The following TNFAIP2 variants were observed in gnomAD, a reference collection of about 807,000 sequenced individuals.
The protein encoded by TNFAIP2 is TNF alpha induced protein 2, also known as tumor necrosis factor alpha-induced protein 2.
Under a neutral mutation model 63.5 loss-of-function variants are expected in TNFAIP2, and 47 were observed. The observed-to-expected ratio is 0.74, with a 90% CI of 0.59 to 0.94. The LOEUF (loss-of-function observed/expected upper bound fraction) is 0.94. Ranked by LOEUF, TNFAIP2 falls within the 40% of genes least tolerant of loss-of-function variation. The probability of loss-of-function intolerance (pLI) is 0.00; values close to 1 mark genes in which losing one functional copy is unlikely to be tolerated. For missense variants in TNFAIP2, 787 were observed against 850.2 expected (o/e 0.93, Z 0.92); for synonymous variants, 405 against 390.2 (o/e 1.04, Z -0.45).
chr14:103,124,559 CT>C (rs1022067096), intron 1 of TNFAIP2: 8 of 152,656 alleles, frequency 5.2e-5, no homozygotes, highest in Non-Finnish European at 1.2e-4. Flanking sequence ...TGAGGTGAGG[CT>C]GGCAGGGAGC....
Position 103,127,197 on chromosome 14 carries a change from CG to C in TNFAIP2, c.429del (p.Leu144TrpfsTer81). 8.9e-7 allele frequency: 1 copy of C among 1,120,836 alleles called. No homozygotes were observed. The highest frequency in any genetic ancestry group is 1.1e-6 in the Non-Finnish European group (1 of 912,766). 69.4% of individuals were successfully genotyped at this position (1,120,836 alleles called of 1,614,324 possible). A position where few individuals can be genotyped will look rare whatever the true frequency, so the allele number is the denominator to read the frequency against. ...RDQVLGVLRR[P>X]LEAPPERLRQ... Reference sequence around the variant, plus strand: ...CAGGTGCTGGGCGTGCTGCGGCGGCCGCTGGAGGCGCCGCCCGAGCGGCTGC... The same window carrying C: ...CAGGTGCTGGGCGTGCTGCGGCGGCCCTGGAGGCGCCGCCCGAGCGGCTGC... On this transcript the variant is annotated frameshift_variant, in exon 3 of 12. Coordinates refer to ENST00000560869, the MANE Select transcript of TNFAIP2 (RefSeq NM_006291.4). LOFTEE classifies it high-confidence loss of function. The surrounding 1 kb of genome is among the most constrained non-coding windows in gnomAD (Gnocchi z 5.1).
Position 103,131,115 on chromosome 14 carries a change from T to C in TNFAIP2, c.1263T>C (p.Asn421=), listed in dbSNP as rs1348282973. Residue 421 remains asparagine (N), a synonymous_variant, in exon 7 of 12, where the codon AAT becomes AAC. Transcript: ENST00000560869. The surrounding 1 kb of genome is among the most constrained non-coding windows in gnomAD (Gnocchi z 4.0). ...AGCAGCTGACGAATTACAGGGCCAATGTTATTGCCAACATCAACAACTGCC... is the reference window on the plus strand; with the variant it reads ...AGCAGCTGACGAATTACAGGGCCAACGTTATTGCCAACATCAACAACTGCC... ...RGKQLTNYRA[N]VIANINNCLS... is the part of the protein sequence containing the mutation. 1.2e-6 allele frequency: 2 copies of C among 1,614,200 alleles called. No homozygotes were observed. Among genetic ancestry groups the C allele is most frequent in the Admixed American group, 1.7e-5 (1 of 60,030 alleles).
chr14:103,125,583 A>G (rs2087836112), intron 1 of TNFAIP2, among the ~76,000 whole-genome samples: 1 of 152,232 alleles, frequency 6.6e-6, no homozygotes, highest in South Asian at 2.1e-4. Flanking sequence ...GGTGGGAGCC[A>G]GGAAGCCTGG....
rs746544133 is a variant in TNFAIP2, at chr14:103,133,506, T to G, written c.1690T>G (p.Cys564Gly). The G allele has an allele frequency of 3.7e-6, 6 of 1,613,672 alleles. No homozygotes were observed. Among genetic ancestry groups the G allele is most frequent in the Non-Finnish European group, 4.2e-6 (5 of 1,179,936 alleles). The change falls in exon 10 of 12, where the codon TGC becomes GGC. Residue 564 changes from cysteine (C) to glycine (G), a missense_variant. Transcript: ENST00000560869. ...LANADTIQHF[C>G]TQHGSPATWL... ...CAATGCTGACACCATCCAGCACTTC[T>G]GCACCCAGCACGTAAGCCGCTGCCC...
intron 3 of TNFAIP2, among the ~76,000 whole-genome samples, chr14:103,128,440 G>T (rs2087906251): frequency 6.6e-6 from 1 of 152,230 alleles, no homozygotes; most frequent in Non-Finnish European, 1.5e-5. Flanking sequence ...CATTCGCACG[G>T]TCTGCATGGA....
chr14:103,132,699 C>G (rs1382587903), intron 8 of TNFAIP2, 51 bp from the exon 9 acceptor site: 1 of 1,589,692 alleles, frequency 6.3e-7, no homozygotes, highest in Non-Finnish European at 8.5e-7. Flanking sequence ...CTGCGGCTGG[C>G]AGCCCTTCCT....
rs903587436 is a variant in TNFAIP2, at chr14:103,131,347, A to T, written c.1298+197A>T. On this transcript the variant is annotated intron_variant, in intron 7 of 11. Coordinates refer to ENST00000560869, the MANE Select transcript of TNFAIP2 (RefSeq NM_006291.4). The surrounding 1 kb of genome is among the most constrained non-coding windows in gnomAD (Gnocchi z 4.0). ...CTGGCTGGGGCAAGCACACAGGCAG[A>T]TGTTTCACCCATTATCTTATCCTTA... Among the ~76,000 whole-genome samples the T allele has an allele frequency of 1.3e-5, 2 of 152,218 alleles. No homozygotes were observed. Among genetic ancestry groups the T allele is most frequent in the Admixed American group, 1.3e-4 (2 of 15,282 alleles).
chr14:103,132,079 T>G (rs2087988645), intron 8 of TNFAIP2, among the ~76,000 whole-genome samples: 1 of 151,432 alleles, frequency 6.6e-6, no homozygotes, highest in Non-Finnish European at 1.5e-5. Flanking sequence ...CCTGGAAAAG[T>G]TTCACTGCCC....
chr14:103,130,765 C>T (rs539694050), intron 6 of TNFAIP2, among the ~76,000 whole-genome samples: 2 of 152,330 alleles, frequency 1.3e-5, no homozygotes, highest in South Asian at 2.1e-4. Flanking sequence ...CTCTCCCTCT[C>T]GACCTCTGAG....
intron 9 of TNFAIP2, among the ~76,000 whole-genome samples, chr14:103,133,132 A>G (rs1595286845): frequency 7.9e-6 from 1 of 127,272 alleles, no homozygotes; most frequent in Admixed American, 7.9e-5. Context: ...ACGTGAAGGC[A>G]CGAGCATGTA....
Position 103,135,120 on chromosome 14 carries a change from G to A in TNFAIP2, c.1824-99G>A, listed in dbSNP as rs576985895. 15 of 1,497,934 alleles carry A rather than the reference G, an allele frequency of 1.0e-5. No individual in the cohort carries two copies. Among genetic ancestry groups the A allele is most frequent in the Admixed American group, 6.8e-5 (4 of 59,204 alleles). The allele number at this position is 1,497,934 out of a possible 1,614,324, so 92.8% of individuals were successfully genotyped here. A position where few individuals can be genotyped will look rare whatever the true frequency, so the allele number is the denominator to read the frequency against. On this transcript the variant is annotated intron_variant, in intron 11 of 11. Transcript: ENST00000560869. This position sits in a 1 kb window ranked among gnomAD's most constrained non-coding sequence, Gnocchi z 7.6. ...AGTGCAGCCCCCTCGTGGGCCGGGC[G>A]TTGGCTGTCGGGCCCTGTGGCACTG... is the stretch of plus-strand genomic sequence containing the variant.
Position 103,127,724 on chromosome 14 carries a change from T to C in TNFAIP2, c.860+95T>C. The C allele has an allele frequency of 7.4e-7, 1 of 1,355,096 alleles. No homozygotes were observed. Among genetic ancestry groups the C allele is most frequent in the Non-Finnish European group, 9.6e-7 (1 of 1,038,972 alleles). The allele number at this position is 1,355,096 out of a possible 1,614,324, so 83.9% of individuals were successfully genotyped here. A position where few individuals can be genotyped will look rare whatever the true frequency, so the allele number is the denominator to read the frequency against. ...GTCGAGGTGTGCCGCCGGCAGCTTT[T>C]AGTGAGGTCGGTGTTTGCAGAGTTT... On this transcript the variant is annotated intron_variant, in intron 3 of 11. Coordinates refer to ENST00000560869, the MANE Select transcript of TNFAIP2 (RefSeq NM_006291.4). The surrounding 1 kb of genome is among the most constrained non-coding windows in gnomAD (Gnocchi z 5.1).
At chr14:103,133,017 T>C in intron 9 of TNFAIP2, 145 bp downstream of exon 9, 10 of 1,366,234 alleles carry the variant, frequency 7.3e-6, no homozygotes, top group Non-Finnish European at 1.0e-5. Flanking sequence ...TGTGAACACG[T>C]GCACATGTGA....
At chr14:103,125,465 G>A (rs8176360) in intron 1 of TNFAIP2, among the ~76,000 whole-genome samples, 2,252 of 152,266 alleles carry the variant, frequency 0.015, 34 homozygotes, top group Middle Eastern at 0.051. Flanking sequence ...AGTTTAAGCC[G>A]AAATAACACC....
In TNFAIP2 at chr14:103,131,635, C is replaced by A; in HGVS notation, c.1299-4C>A. On this transcript the variant is annotated splice_region_variant and splice_polypyrimidine_tract_variant and intron_variant, in intron 7 of 11. Coordinates refer to ENST00000560869, the MANE Select transcript of TNFAIP2 (RefSeq NM_006291.4). The surrounding 1 kb of genome is among the most constrained non-coding windows in gnomAD (Gnocchi z 4.0). ...GGGGTGACCTCTCTGCCTCCACCTT[C>A]CAGGATGTCCATGGAGCAGAATTGG... 6.3e-7 allele frequency: 1 copy of A among 1,589,300 alleles called. No homozygotes were observed. Among genetic ancestry groups the A allele is most frequent in the Middle Eastern group, 1.7e-4 (1 of 6,036 alleles).
intron 10 of TNFAIP2, 54 bp from the exon 11 acceptor site, chr14:103,133,628 G>T (rs1042043520): frequency 6.4e-7 from 1 of 1,551,214 alleles, no homozygotes; most frequent in Non-Finnish European, 8.7e-7. Context: ...CCAACGAGTC[G>T]CTGACCCGAG....
In TNFAIP2 at chr14:103,126,484, G is replaced by A. The variant is rs1381178473; in HGVS notation, c.27G>A (p.Leu9=). The A allele has an allele frequency of 1.3e-6, 2 of 1,597,710 alleles. No individual in the cohort carries two copies. The highest frequency in any genetic ancestry group is 1.3e-5 in the African/African-American group (1 of 74,458). ...TGTCGGAGGCCTCCTCTGAGGACCT[G>A]GTGCCACCCCTGGAGGCTGGGGCAG... MSEASSED[L]VPPLEAGAAP... is the part of the protein sequence containing the mutation. Residue 9 remains leucine, a synonymous_variant, in exon 2 of 12, where the codon CTG becomes CTA. Coordinates refer to ENST00000560869, the MANE Select transcript of TNFAIP2 (RefSeq NM_006291.4).
chr14:103,132,399 C>G (rs8176365), intron 8 of TNFAIP2, among the ~76,000 whole-genome samples: 90,408 of 152,044 alleles, frequency 0.59, 27,475 homozygotes, highest in Non-Finnish European at 0.66. Flanking sequence ...GGTGACCCCA[C>G]ATCCCCTGGT....
intron 3 of TNFAIP2, among the ~76,000 whole-genome samples, chr14:103,128,940 G>A (rs770402823): frequency 9.2e-5 from 14 of 152,238 alleles, no homozygotes; most frequent in Non-Finnish European, 1.8e-4. Flanking sequence ...CATCGTTGAA[G>A]CCTGTGTGCC....
Sources: allele counts gnomAD v4.1 joint callset (sites outside exome capture counted in the v4.1 genomes callset), GRCh38; gene constraint gnomAD v4.1.1; non-coding constraint Gnocchi (gnomAD v3.1); transcripts MANE v1.5; gene names NCBI Gene and HGNC (gene_info 2026-07-23, HGNC 2026-07-21).